Variants in CLEC4A observed in about 807,000 individuals in gnomAD.
CLEC4A encodes the protein C-type lectin domain family 4 member A, also known as C-type (calcium dependent, carbohydrate-recognition domain) lectin, superfamily member 6.
In CLEC4A, 27 loss-of-function variants were observed where a neutral mutation model predicts 32.7. The ratio of observed to expected loss-of-function variants is 0.83; its 90% CI spans 0.61 to 1.14. The LOEUF is 1.14. Ranked by LOEUF, CLEC4A falls within the 50% of genes most tolerant of loss-of-function variation. The pLI, the probability that CLEC4A is intolerant of heterozygous loss-of-function variation, is 0.00. For synonymous variants in CLEC4A, 89 were observed against 93.7 expected, an observed-to-expected ratio of 0.95 and a Z score of 0.29; for missense variants, 253 against 274.6, an observed-to-expected ratio of 0.92 and a Z score of 0.55.
chr12:8,138,044 G>A (rs1257636104), intron 5 of CLEC4A, 96 bp from the exon 6 acceptor site: 13 of 1,363,940 alleles, frequency 9.5e-6, no homozygotes, highest in Non-Finnish European at 1.3e-5. Flanking sequence ...CTGACCCTAT[G>A]TTCCATGAAA....
chr12:8,133,903 C>T, intron 3 of CLEC4A: 2 of 1,598,508 alleles, frequency 1.3e-6, no homozygotes, highest in Non-Finnish European at 1.7e-6. Context: ...CAAAATGGGG[C>T]CCTGGGGCCA....
At chr12:8,103,371 CTGT>C in the CLEC4A span, among the ~76,000 whole-genome samples, 35 of 49,030 alleles carry the variant, frequency 7.1e-4, 6 homozygotes, top group African/African-American at 1.4e-3. Context: ...TTGTTTCTTT[CTGT>C]TGTTTTTTTT....
intron 3 of CLEC4A, among the ~76,000 whole-genome samples, chr12:8,132,559 A>G (rs1948016758): frequency 6.6e-6 from 1 of 152,080 alleles, no homozygotes; most frequent in Non-Finnish European, 1.5e-5. Context: ...ATGTCCCGAG[A>G]TATGGTTTGT....
At chr12:8,131,510 C>G (rs1565404826) in intron 3 of CLEC4A, among the ~76,000 whole-genome samples, 1 of 151,760 alleles carries the variant, frequency 6.6e-6, no homozygotes, top group African/African-American at 2.4e-5. Context: ...GGAGGTCCCT[C>G]TTTTTGTTCC....
At chr12:8,111,416 A>G in the CLEC4A span, among the ~76,000 whole-genome samples, 43 of 143,976 alleles carry the variant, frequency 3.0e-4, no homozygotes, top group Non-Finnish European at 5.4e-4. Flanking sequence ...CTGACCTCAG[A>G]TGGTCCACCT....
At chr12:8,116,251 C>T in the CLEC4A span, among the ~76,000 whole-genome samples, 8 of 152,026 alleles carry the variant, frequency 5.3e-5, no homozygotes, top group African/African-American at 1.7e-4. Context: ...TGTGAGCCAC[C>T]GCACCCGGTC....
chr12:8,137,941 A>G (rs1355648655), intron 5 of CLEC4A, among the ~76,000 whole-genome samples, 199 bp from the exon 6 acceptor site: 1 of 152,172 alleles, frequency 6.6e-6, no homozygotes, highest in Non-Finnish European at 1.5e-5. Flanking sequence ...GAGAACATTG[A>G]GTGACATAGG....
At chr12:8,131,114 G>A (rs754753681) in intron 3 of CLEC4A, among the ~76,000 whole-genome samples, 1 of 152,294 alleles carries the variant, frequency 6.6e-6, no homozygotes, top group South Asian at 2.1e-4. Flanking sequence ...GTTTTTGGGA[G>A]GAAGATCACA....
chr12:8,118,360 G>A, the CLEC4A span, among the ~76,000 whole-genome samples: 1 of 149,610 alleles, frequency 6.7e-6, no homozygotes, highest in Admixed American at 6.8e-5. Context: ...GTTTAAATGT[G>A]TCCCTCTCTG....
chr12:8,135,230 T>G (rs1356076151), intron 3 of CLEC4A, among the ~76,000 whole-genome samples: 1 of 151,288 alleles, frequency 6.6e-6, no homozygotes, highest in Non-Finnish European at 1.5e-5. Flanking sequence ...ATTATTATAT[T>G]TTATTAAATT....
At chr12:8,117,528 C>T in the CLEC4A span, among the ~76,000 whole-genome samples, 11 of 152,032 alleles carry the variant, frequency 7.2e-5, no homozygotes, top group African/African-American at 1.9e-4. Context: ...TGTGAGCCAC[C>T]GCACCCAGCC....
upstream of CLEC4A, among the ~76,000 whole-genome samples, chr12:8,118,833 G>A (rs1947809274): frequency 6.6e-6 from 1 of 152,172 alleles, no homozygotes; most frequent in African/African-American, 2.4e-5. Flanking sequence ...GAGGTGGTTA[G>A]GCCATGAGGG....
Position 8,126,109 on chromosome 12 carries a change from A to T in CLEC4A, c.199+432A>T, listed in dbSNP as rs147739841. On this transcript the variant is annotated intron_variant, in intron 2 of 5. Transcript: ENST00000229332. Reference sequence around the variant, plus strand: ...AGAAATATTTCAGGAAGAGTTCTCCACTGGCTTTTACTCTGATTATTCCTG... The same window carrying T: ...AGAAATATTTCAGGAAGAGTTCTCCTCTGGCTTTTACTCTGATTATTCCTG... Among the ~76,000 whole-genome samples, 296 of 152,336 alleles carry T rather than the reference A, an allele frequency of 1.9e-3. 1 individual carries two copies. Among genetic ancestry groups the T allele is most frequent in the African/African-American group, 6.1e-3 (255 of 41,588 alleles).
intron 2 of CLEC4A, among the ~76,000 whole-genome samples, chr12:8,126,149 G>A (rs1348288356): frequency 6.6e-6 from 1 of 152,170 alleles, no homozygotes; most frequent in Non-Finnish European, 1.5e-5. Context: ...GCTCAAGACT[G>A]TGTGGGATCT....
intron 3 of CLEC4A, chr12:8,134,733 C>A (rs1406020851): frequency 6.4e-7 from 1 of 1,563,766 alleles, no homozygotes; most frequent in Non-Finnish European, 8.7e-7. Flanking sequence ...TCCAGGAGGG[C>A]CTTGGAAGCT....
Position 8,123,731 on chromosome 12 carries a change from G to T in CLEC4A, c.-148G>T. Reference sequence around the variant, plus strand: ...TAGTTCTCATGAGACCCCTCTTGAGGATATGTGCCTATCTGGTGCCTCTGC... The same window carrying T: ...TAGTTCTCATGAGACCCCTCTTGAGTATATGTGCCTATCTGGTGCCTCTGC... On this transcript the variant is annotated 5_prime_UTR_variant, in exon 1 of 6. Transcript: ENST00000229332. 1.6e-6 allele frequency: 1 copy of T among 617,160 alleles called. No individual in the cohort carries two copies. Among genetic ancestry groups the T allele is most frequent in the Non-Finnish European group, 2.9e-6 (1 of 345,842 alleles). The allele number at this position is 617,160 out of a possible 1,614,324, so 38.2% of individuals were successfully genotyped here.
chr12:8,112,523 AT>A, the CLEC4A span, among the ~76,000 whole-genome samples: 1 of 152,154 alleles, frequency 6.6e-6, no homozygotes, highest in African/African-American at 2.4e-5. Context: ...TGGGTGAAAA[AT>A]ATATTCATTT....
chr12:8,132,591 A>G (rs763796599), intron 3 of CLEC4A, among the ~76,000 whole-genome samples: 3 of 152,338 alleles, frequency 2.0e-5, no homozygotes, highest in African/African-American at 7.2e-5. Flanking sequence ...TTCCAGAGGC[A>G]CTGGAAAAGA....
intron 5 of CLEC4A, among the ~76,000 whole-genome samples, chr12:8,137,636 T>C (rs1177801234): frequency 1.3e-5 from 2 of 152,226 alleles, no homozygotes; most frequent in Non-Finnish European, 2.9e-5. Flanking sequence ...ATAGTGATAT[T>C]ACTCTAGTCC....
Sources: gnomAD v4.1 joint callset for allele counts (sites outside exome capture counted in the v4.1 genomes callset) on GRCh38, gnomAD v4.1.1 for gene constraint, MANE v1.5 for transcripts, NCBI Gene and HGNC (gene_info 2026-07-23, HGNC 2026-07-21) for gene names.